Variants in BAX observed in about 807,000 individuals in gnomAD.
BAX encodes BCL2 associated X, apoptosis regulator.
A neutral mutation model predicts 26.8 loss-of-function variants in BAX; 21 were observed. The ratio of observed to expected loss-of-function variants is 0.78; its 90% CI spans 0.56 to 1.13. BAX has a LOEUF of 1.13. Among genes scored for constraint, BAX ranks in the 50% most tolerant of loss-of-function variants. The pLI is 0.00. For synonymous variants in BAX, 110 were observed against 101.8 expected, an observed-to-expected ratio of 1.08 and a Z score of -0.49; for missense variants, 236 against 254.6, an observed-to-expected ratio of 0.93 and a Z score of 0.50.
chr19:48,961,690 T>A lies in BAX; in HGVS notation c.*54T>A. The A allele has an allele frequency of 1.9e-6, 2 of 1,080,716 alleles. No individual in the cohort carries two copies. Among genetic ancestry groups the A allele is most frequent in the Non-Finnish European group, 2.6e-6 (2 of 783,738 alleles). The allele number at this position is 1,080,716 out of a possible 1,614,324, so 66.9% of individuals were successfully genotyped here. ...TCCTCCATAAATTATGGCATTTTTC[T>A]GGGAGGGGTGGGGATTGGGGGACGT... is the stretch of plus-strand genomic sequence containing the variant. On this transcript the variant is annotated 3_prime_UTR_variant, in exon 6 of 6. Coordinates refer to ENST00000345358, the MANE Select transcript of BAX (RefSeq NM_138761.4).
intron 5 of BAX, chr19:48,961,155 CCTTGA>C: frequency 2.0e-6 from 3 of 1,533,984 alleles, no homozygotes; most frequent in Non-Finnish European, 1.7e-6. Flanking sequence ...CTCACTGTGA[CCTTGA>C]CTTGATTAGT....
intron 4 of BAX, among the ~76,000 whole-genome samples, chr19:48,957,048 C>A (rs867782016): frequency 2.0e-5 from 3 of 150,160 alleles, no homozygotes; most frequent in Non-Finnish European, 4.4e-5. Context: ...AAGAAGCATG[C>A]AGTGATCTAT....
chr19:48,956,861 C>T (rs1293255387), intron 4 of BAX, among the ~76,000 whole-genome samples: 3 of 110,746 alleles, frequency 2.7e-5, no homozygotes, highest in South Asian at 2.9e-4. Flanking sequence ...TTAGTAGAGA[C>T]GGGTTTCACC....
At chr19:48,955,160 C>G in intron 1 of BAX, 198 bp downstream of exon 1, 1 of 636,678 alleles carries the variant, frequency 1.6e-6, no homozygotes, top group East Asian at 3.5e-5. Flanking sequence ...ATCCCTGCCT[C>G]TCTGGCGCTC....
rs2038057082 is a variant in BAX at position 48,954,876 on chromosome 19, C to T, written c.-53C>T. 2.5e-6 allele frequency: 3 copies of T among 1,219,396 alleles called. No homozygotes were observed. Among genetic ancestry groups the T allele is most frequent in the Non-Finnish European group, 2.0e-6 (2 of 978,068 alleles). 75.5% of individuals were successfully genotyped at this position (1,219,396 alleles called of 1,614,324 possible). On this transcript the variant is annotated 5_prime_UTR_variant, in exon 1 of 6. Coordinates refer to ENST00000345358, the MANE Select transcript of BAX (RefSeq NM_138761.4). ...GCGGGGCTCTCACGTGACCCGGGCG[C>T]GCTGCGGCCGCCCGCGCGGACCCGG...
Position 48,960,857 on chromosome 19 carries a change from G to A in BAX, c.417G>A (p.Trp139Ter). Residue 139 changes from tryptophan to a stop codon, truncating the protein, a stop_gained, in exon 5 of 6, where the codon TGG becomes TGA. Coordinates refer to ENST00000345358, the MANE Select transcript of BAX (RefSeq NM_138761.4). LOFTEE classifies it high-confidence loss of function. ...VPELIRTIMG[W>*]TLDFLRERLL... ...AACTGATCAGAACCATCATGGGCTG[G>A]ACATTGGACTTCCTCCGGGAGCGGC... 6.2e-7 allele frequency: 1 copy of A among 1,614,190 alleles called. No homozygotes were observed. Among genetic ancestry groups the A allele is most frequent in the Non-Finnish European group, 8.5e-7 (1 of 1,180,036 alleles).
At chr19:48,959,565 G>A (rs1347117664) in intron 4 of BAX, among the ~76,000 whole-genome samples, 5 of 147,766 alleles carry the variant, frequency 3.4e-5, no homozygotes, top group Non-Finnish European at 6.0e-5. Context: ...CTGTAATCCC[G>A]GCACTTTGGG....
intron 4 of BAX, among the ~76,000 whole-genome samples, chr19:48,957,591 T>G (rs2094381446): frequency 6.6e-6 from 1 of 152,130 alleles, no homozygotes; most frequent in Non-Finnish European, 1.5e-5. Flanking sequence ...GACTTTAACT[T>G]TACTCTGAGT....
chr19:48,955,933 T>A, intron 3 of BAX, 100 bp downstream of exon 3: 1 of 1,408,040 alleles, frequency 7.1e-7, no homozygotes, highest in Non-Finnish European at 9.5e-7. Flanking sequence ...ACTAGGAGTC[T>A]GGGCCCCACA....
intron 1 of BAX, 167 bp downstream of exon 1, chr19:48,955,129 C>A: frequency 1.2e-6 from 1 of 803,762 alleles, no homozygotes; most frequent in Non-Finnish European, 1.7e-6. Flanking sequence ...AGGTTCCTGG[C>A]TCTCTGATCC....
At chr19:48,961,344 C>T in intron 5 of BAX, 188 bp from the exon 6 acceptor site, 1 of 1,307,850 alleles carries the variant, frequency 7.6e-7, no homozygotes. Context: ...GCCTCAGCCT[C>T]TCAAAGTGCT....
At chr19:48,959,757 C>A (rs189207721) in intron 4 of BAX, among the ~76,000 whole-genome samples, 79 of 148,582 alleles carry the variant, frequency 5.3e-4, no homozygotes, top group African/African-American at 1.8e-3. Context: ...ATCTGGGAGG[C>A]GGAGGTTGCA....
At chr19:48,960,500 A>G (rs998468497) in intron 4 of BAX, among the ~76,000 whole-genome samples, 1 of 152,168 alleles carries the variant, frequency 6.6e-6, no homozygotes, top group Non-Finnish European at 1.5e-5. Flanking sequence ...AGTAGCTGGG[A>G]TTACAGGCAT....
chr19:48,957,984 G>C (rs2038204150), intron 4 of BAX, among the ~76,000 whole-genome samples: 1 of 152,124 alleles, frequency 6.6e-6, no homozygotes, highest in African/African-American at 2.4e-5. Flanking sequence ...TTGGCCAAAA[G>C]AGATCATGAG....
Position 48,957,265 on chromosome 19 carries a change from CT to C in BAX, c.369+959del, listed in dbSNP as rs61415800. On this transcript the variant is annotated intron_variant, in intron 4 of 5. Transcript: ENST00000345358. ...GGCTGCTGGAAAGACTTTTTCTTTTCTTTTTTTTTTTTTTTTTTTTTTTTTT... is the reference window on the plus strand; with the variant it reads ...GGCTGCTGGAAAGACTTTTTCTTTTCTTTTTTTTTTTTTTTTTTTTTTTTT... 5.3e-3 allele frequency among the ~76,000 whole-genome samples: 290 copies of C among 54,930 alleles called. 2 individuals carry two copies. Among genetic ancestry groups the C allele is most frequent in the African/African-American group, 0.019 (241 of 12,708 alleles). The allele number at this position is 54,930 out of a possible 152,430, so 36.0% of individuals were successfully genotyped here. A position where few individuals can be genotyped will look rare whatever the true frequency, so the allele number is the denominator to read the frequency against.
chr19:48,958,528 A>G (rs1252632635), intron 4 of BAX, among the ~76,000 whole-genome samples: 1 of 80,552 alleles, frequency 1.2e-5, no homozygotes, highest in East Asian at 4.5e-4. Context: ...TGGGAGGGAT[A>G]TTTCTTTCTT....
At position 48,955,737 on chromosome 19, in the gene BAX, C is replaced by T. The variant is rs1166445718; in HGVS notation, c.137C>T (p.Ala46Val). The change falls in exon 3 of 6, where the codon GCC becomes GTC. Residue 46 changes from alanine (A) to valine (V), a missense_variant. Coordinates refer to ENST00000345358, the MANE Select transcript of BAX (RefSeq NM_138761.4). The stretch of plus-strand genomic sequence containing the variant: ...ATGGGGGGGGAGGCACCCGAGCTGG[C>T]CCTGGACCCGGTGCCTCAGGATGCG... ...GRMGGEAPELALDPVPQDAST... is the reference protein window; with the variant it reads ...GRMGGEAPELVLDPVPQDAST... 3 of 1,613,452 alleles carry T rather than the reference C, an allele frequency of 1.9e-6. No individual in the cohort carries two copies. Among genetic ancestry groups the T allele is most frequent in the Non-Finnish European group, 2.5e-6 (3 of 1,179,668 alleles).
rs768643044 is a variant in BAX at position 48,956,271 on chromosome 19, G to T, written c.307G>T (p.Gly103Cys). The change falls in exon 4 of 6, where the codon GGC becomes TGC. Residue 103 changes from glycine to cysteine, a missense_variant. Transcript: ENST00000345358. ...AGTGGCAGCTGACATGTTTTCTGAC[G>T]GCAACTTCAACTGGGGCCGGGTTGT... ...FRVAADMFSD[G>C]NFNWGRVVAL... is the part of the protein sequence containing the mutation. The T allele has an allele frequency of 6.3e-7, 1 of 1,588,152 alleles. No individual in the cohort carries two copies. The highest frequency in any genetic ancestry group is 1.8e-5 in the Admixed American group (1 of 55,646).
At chr19:48,959,343 CCGTCTCAAAAAAAAAAAAA>C (rs1356272604) in intron 4 of BAX, among the ~76,000 whole-genome samples, 1 of 86,078 alleles carries the variant, frequency 1.2e-5, no homozygotes, top group African/African-American at 4.5e-5. Context: ...GAGTGAGACT[CCGTCTCAAAAAAAAAAAAA>C]AAAAAAAAAG....
Sources: gnomAD v4.1 joint callset for allele counts (sites outside exome capture counted in the v4.1 genomes callset) on GRCh38, gnomAD v4.1.1 for gene constraint, MANE v1.5 for transcripts, NCBI Gene and HGNC (gene_info 2026-07-23, HGNC 2026-07-21) for gene names.